Variants in CDC5L observed in about 807,000 individuals in gnomAD.
CDC5L encodes the protein cell division cycle 5 like.
A neutral mutation model predicts 104.1 loss-of-function variants in CDC5L; 18 were observed. The ratio of observed to expected loss-of-function variants is 0.17; its 90% CI spans 0.12 to 0.26. The LOEUF is 0.26. Among genes scored for constraint, CDC5L ranks in the 10% least tolerant of loss-of-function variants. The probability of loss-of-function intolerance (pLI) is 1.00; values close to 1 mark genes in which losing one functional copy is unlikely to be tolerated. For synonymous variants in CDC5L, 331 were observed against 322.7 expected, an observed-to-expected ratio of 1.03 and a Z score of -0.28; for missense variants, 673 against 956.9, an observed-to-expected ratio of 0.70 and a Z score of 3.91.
At chr6:44,428,362 A>C (rs187670962) in intron 13 of CDC5L, among the ~76,000 whole-genome samples, 16 of 151,354 alleles carry the variant, frequency 1.1e-4, no homozygotes, top group African/African-American at 3.9e-4. Context: ...GTAGATTTTG[A>C]TGTGTTTATT....
intron 7 of CDC5L, among the ~76,000 whole-genome samples, chr6:44,407,560 C>T (rs965135398): frequency 6.6e-6 from 1 of 152,158 alleles, no homozygotes; most frequent in Non-Finnish European, 1.5e-5. Context: ...TTCTTGACTT[C>T]GTGAGCTACC....
chr6:44,400,350 TTTA>T (rs1791064687), intron 5 of CDC5L, among the ~76,000 whole-genome samples: 1 of 152,210 alleles, frequency 6.6e-6, no homozygotes, highest in Admixed American at 6.5e-5. Flanking sequence ...CCAGCCTTCA[TTTA>T]TTATTTGCTT....
At chr6:44,395,295 C>T (rs1308559693) in intron 4 of CDC5L, among the ~76,000 whole-genome samples, 3 of 152,070 alleles carry the variant, frequency 2.0e-5, no homozygotes, top group Non-Finnish European at 4.4e-5. Flanking sequence ...TGATGGGTAC[C>T]CCAGATATAC....
chr6:44,391,037 GTTATATA>G lies in CDC5L; in HGVS notation c.149+677_149+683del, dbSNP rs1310112214. Among the ~76,000 whole-genome samples the G allele has an allele frequency of 5.6e-4, 61 of 109,260 alleles. 1 individual carries two copies. The highest frequency in any genetic ancestry group is 1.1e-3 in the South Asian group (4 of 3,652). The allele number at this position is 109,260 out of a possible 152,430, so 71.7% of individuals were successfully genotyped here. ...ATTATATATTAAACATATTTAATAT[GTTATATA>G]TTATATATTAAACATATTTAATATG... is the stretch of plus-strand genomic sequence containing the variant. On this transcript the variant is annotated intron_variant, in intron 2 of 15. Transcript: ENST00000371477.
chr6:44,412,722 A>G (rs1441759109), intron 8 of CDC5L, among the ~76,000 whole-genome samples: 1 of 147,806 alleles, frequency 6.8e-6, no homozygotes, highest in Admixed American at 6.8e-5. Flanking sequence ...GAATTCACCC[A>G]TTTTTACTGT....
chr6:44,408,320 C>G, intron 7 of CDC5L, 124 bp from the exon 8 acceptor site: 1 of 566,198 alleles, frequency 1.8e-6, no homozygotes. Context: ...CAGGTAGGTC[C>G]CGAACTCCTG....
chr6:44,438,568 A>G (rs374837244), intron 14 of CDC5L, among the ~76,000 whole-genome samples: 21 of 152,284 alleles, frequency 1.4e-4, no homozygotes, highest in Middle Eastern at 6.8e-3. Flanking sequence ...GCGTAAAAAG[A>G]CATACTCCAG....
At chr6:44,401,292 C>T (rs557090384) in intron 5 of CDC5L, among the ~76,000 whole-genome samples, 1 of 81,380 alleles carries the variant, frequency 1.2e-5, no homozygotes, top group South Asian at 5.4e-4. Flanking sequence ...CCCAAGGTTT[C>T]CTTGGCTTGC....
chr6:44,416,201 A>G lies in CDC5L; in HGVS notation c.1093-3248A>G, dbSNP rs577019081. On this transcript the variant is annotated intron_variant, in intron 8 of 15. Transcript: ENST00000371477. ...GGAATTTGTTAGAGGAATTAGTCCC[A>G]TATACAGTTATGGGAAAAGCAGGGC... is the stretch of plus-strand genomic sequence containing the variant. Among the ~76,000 whole-genome samples, 5 of 152,324 alleles carry G rather than the reference A, an allele frequency of 3.3e-5. No individual in the cohort carries two copies. The East Asian group carries it at 7.7e-4, about 24-fold the overall frequency.
chr6:44,450,369 A>T lies in CDC5L; in HGVS notation c.*3658A>T, dbSNP rs932715431. 1 of 152,152 alleles carries T rather than the reference A, an allele frequency of 6.6e-6. No homozygotes were observed. The highest frequency in any genetic ancestry group is 1.5e-5 in the Non-Finnish European group (1 of 68,030). The allele number at this position is 152,152 out of a possible 1,614,324, so 9.4% of individuals were successfully genotyped here. On this transcript the variant is annotated 3_prime_UTR_variant, in exon 16 of 16. Transcript: ENST00000371477. ...ACTGTCAGTTTCTTTTGTGACTATT[A>T]TGTTACCTATTTTTAAATTTAAGCA...
At chr6:44,442,322 G>A (rs183386005) in intron 14 of CDC5L, among the ~76,000 whole-genome samples, 14 of 151,654 alleles carry the variant, frequency 9.2e-5, no homozygotes, top group African/African-American at 3.4e-4. Flanking sequence ...ATTGTTTTCT[G>A]TTTATAGATC....
At chr6:44,399,161 C>T (rs185945210) in intron 5 of CDC5L, among the ~76,000 whole-genome samples, 13 of 152,312 alleles carry the variant, frequency 8.5e-5, no homozygotes, top group Admixed American at 5.9e-4. Flanking sequence ...CTATGTTGCC[C>T]AGGCTGGTCT....
chr6:44,425,424 A>G (rs1361895514), intron 11 of CDC5L, among the ~76,000 whole-genome samples: 1 of 152,188 alleles, frequency 6.6e-6, no homozygotes, highest in African/African-American at 2.4e-5. Flanking sequence ...CAACTTTCTC[A>G]GGTCTCATGG....
At chr6:44,418,841 G>GT (rs1183079700) in intron 8 of CDC5L, among the ~76,000 whole-genome samples, 13 of 78,656 alleles carry the variant, frequency 1.7e-4, no homozygotes, top group Admixed American at 5.8e-4. Flanking sequence ...TGATGTGGTT[G>GT]TTTGTTTTTT....
intron 7 of CDC5L, among the ~76,000 whole-genome samples, chr6:44,407,689 T>A (rs771488261): frequency 2.6e-5 from 4 of 152,184 alleles, no homozygotes; most frequent in Non-Finnish European, 5.9e-5. Context: ...ACAGATTTAA[T>A]GGTGCAGAAG....
intron 10 of CDC5L, among the ~76,000 whole-genome samples, chr6:44,424,127 G>A (rs1792312972): frequency 6.6e-6 from 1 of 151,952 alleles, no homozygotes; most frequent in Non-Finnish European, 1.5e-5. Flanking sequence ...TTCTCTTTCT[G>A]TAATTTTTAA....
At chr6:44,415,375 T>C (rs868674051) in intron 8 of CDC5L, among the ~76,000 whole-genome samples, 6 of 152,200 alleles carry the variant, frequency 3.9e-5, no homozygotes, top group South Asian at 2.1e-4. Context: ...GGGGAAGTTA[T>C]ATATTTGTTG....
rs61753595 is a variant in CDC5L, at chr6:44,390,270, T to C, written c.48T>C (p.Asp16=). 2,000 of 1,608,906 alleles carry C rather than the reference T, an allele frequency of 1.2e-3. 16 individuals carry two copies. The African/African-American group carries it at 0.023, about 18-fold the overall frequency. Residue 16 remains aspartate, a splice_region_variant and synonymous_variant, in exon 2 of 16, where the codon GAT becomes GAC. Coordinates refer to ENST00000371477, the MANE Select transcript of CDC5L (RefSeq NM_001253.4). ...IKGGVWRNTE[D]EILKAAVMKY... is the part of the protein sequence containing the mutation. ...TACTCTTTGGCAATTTTTTTTAGGA[T>C]GAAATTCTGAAAGCAGCGGTAATGA...
At chr6:44,397,707 G>A (rs1790933550) in intron 5 of CDC5L, among the ~76,000 whole-genome samples, 1 of 152,196 alleles carries the variant, frequency 6.6e-6, no homozygotes, top group Non-Finnish European at 1.5e-5. Flanking sequence ...TGTGAAACAG[G>A]AAACTTGGCT....
Sources: gnomAD v4.1 joint callset for allele counts (sites outside exome capture counted in the v4.1 genomes callset) on GRCh38, gnomAD v4.1.1 for gene constraint, MANE v1.5 for transcripts, NCBI Gene and HGNC (gene_info 2026-07-23, HGNC 2026-07-21) for gene names.